Variants in IPMK observed in about 807,000 individuals in gnomAD.
The protein encoded by IPMK is inositol 1,3,4,6-tetrakisphosphate 5-kinase.
IPMK carries 17 observed loss-of-function variants against 45.8 expected under a neutral mutation model. That is an observed-to-expected ratio of 0.37 (90% CI 0.25 to 0.56). IPMK has a LOEUF of 0.56. Among genes scored for constraint, IPMK ranks in the 20% least tolerant of loss-of-function variants. The pLI is 0.79. For missense variants in IPMK, 399 were observed against 498.0 expected, an observed-to-expected ratio of 0.80 and a Z score of 1.89; for synonymous variants, 180 against 184.3, an observed-to-expected ratio of 0.98 and a Z score of 0.19.
intron 5 of IPMK, 62 bp downstream of exon 5, chr10:58,199,178 G>T (rs932084610): frequency 2.0e-6 from 2 of 1,000,868 alleles, no homozygotes; most frequent in African/African-American, 1.6e-5. Context: ...AACTAAAACT[G>T]AAATAACTTT....
intron 1 of IPMK, among the ~76,000 whole-genome samples, chr10:58,255,250 G>C (rs570429173): frequency 3.3e-5 from 5 of 152,226 alleles, no homozygotes; most frequent in Non-Finnish European, 5.9e-5. Context: ...CACTCCAGTT[G>C]GTTCAGCCCT....
At chr10:58,246,293 GA>G (rs902912375) in intron 1 of IPMK, among the ~76,000 whole-genome samples, 42 of 150,742 alleles carry the variant, frequency 2.8e-4, no homozygotes, top group African/African-American at 1.0e-3. Context: ...CACAGAATTG[GA>G]AAAAGCTACT....
At position 58,193,469 on chromosome 10, in the gene IPMK, A is replaced by T. The variant is rs1837845251; in HGVS notation, c.*2607T>A. On this transcript the variant is annotated 3_prime_UTR_variant, in exon 6 of 6. Transcript: ENST00000373935. ...GTTTCTTGAAAAACTATTTAGATAA[A>T]ATATTTAGCATTTATCATTGATTTT... The T allele has an allele frequency of 6.6e-6, 1 of 151,846 alleles. No homozygotes were observed. Among genetic ancestry groups the T allele is most frequent in the Non-Finnish European group, 1.5e-5 (1 of 67,758 alleles). 9.4% of individuals were successfully genotyped at this position (151,846 alleles called of 1,614,324 possible). A position where few individuals can be genotyped will look rare whatever the true frequency, so the allele number is the denominator to read the frequency against.
chr10:58,236,099 CT>C (rs35225105), intron 2 of IPMK, among the ~76,000 whole-genome samples: 70 of 146,346 alleles, frequency 4.8e-4, no homozygotes, highest in South Asian at 8.7e-4. Flanking sequence ...TGGGTTAATT[CT>C]TTTTTTTTTT....
chr10:58,212,684 C>T (rs1838183194), intron 4 of IPMK: 2 of 250,208 alleles, frequency 8.0e-6, no homozygotes, highest in East Asian at 2.1e-4. Flanking sequence ...GGATGTGCAG[C>T]CTCTGTCGCA....
chr10:58,213,627 C>A (rs1428976010), intron 4 of IPMK, among the ~76,000 whole-genome samples: 1 of 150,392 alleles, frequency 6.6e-6, no homozygotes, highest in South Asian at 2.1e-4. Flanking sequence ...GCGGAGCTTG[C>A]AGTGAGCAGA....
At chr10:58,264,077 G>C (rs766608115) in intron 1 of IPMK, among the ~76,000 whole-genome samples, 1 of 152,196 alleles carries the variant, frequency 6.6e-6, no homozygotes, top group South Asian at 2.1e-4. Context: ...ATGGACTATA[G>C]ATTAAAGTAT....
chr10:58,260,843 C>T (rs1839053941), intron 1 of IPMK, among the ~76,000 whole-genome samples: 1 of 152,074 alleles, frequency 6.6e-6, no homozygotes, highest in Non-Finnish European at 1.5e-5. Context: ...AATCGATTCT[C>T]ACCAAAGCTA....
chr10:58,245,968 A>T (rs1051032398), intron 1 of IPMK, among the ~76,000 whole-genome samples: 4 of 138,254 alleles, frequency 2.9e-5, no homozygotes, highest in Non-Finnish European at 6.0e-5. Context: ...CAGGATACAA[A>T]ATCAACGTAC....
chr10:58,197,566 C>G (rs913757733), intron 5 of IPMK, among the ~76,000 whole-genome samples: 3 of 150,034 alleles, frequency 2.0e-5, no homozygotes, highest in African/African-American at 7.3e-5. Context: ...AGGAGAACGG[C>G]GTGAACCCAG....
At chr10:58,240,560 A>C (rs1838681727) in intron 1 of IPMK, among the ~76,000 whole-genome samples, 1 of 152,062 alleles carries the variant, frequency 6.6e-6, no homozygotes, top group South Asian at 2.1e-4. Flanking sequence ...AGCAAGAAAA[A>C]GCTAGATAAT....
intron 4 of IPMK, among the ~76,000 whole-genome samples, chr10:58,213,698 A>T (rs1588955519): frequency 7.6e-6 from 1 of 131,788 alleles, no homozygotes; most frequent in Admixed American, 7.2e-5. Flanking sequence ...AAAAAAAAAG[A>T]AAAAAAAAAA....
intron 4 of IPMK, among the ~76,000 whole-genome samples, chr10:58,210,801 T>C: frequency 6.6e-6 from 1 of 152,188 alleles, no homozygotes; most frequent in Middle Eastern, 3.2e-3. Flanking sequence ...ATTCACAGTT[T>C]TTCACCTAAC....
chr10:58,197,665 GAAAAGAAAA>G (rs1833921044), intron 5 of IPMK, among the ~76,000 whole-genome samples: 3 of 108,622 alleles, frequency 2.8e-5, no homozygotes, highest in South Asian at 2.9e-4. Context: ...AAAAAGAAAA[GAAAAGAAAA>G]AAAAAAAAAA....
intron 4 of IPMK, among the ~76,000 whole-genome samples, chr10:58,207,934 G>A (rs915364154): frequency 1.3e-5 from 2 of 152,008 alleles, no homozygotes; most frequent in Admixed American, 1.3e-4. Flanking sequence ...ATTTCTGGGA[G>A]GCTTTGTTCA....
In IPMK at chr10:58,196,288, T is replaced by C. The variant is rs778062653; in HGVS notation, c.1039A>G (p.Lys347Glu). The C allele has an allele frequency of 6.2e-6, 10 of 1,614,206 alleles. No homozygotes were observed. The highest frequency in any genetic ancestry group is 8.5e-6 in the Non-Finnish European group (10 of 1,180,030). The change falls in exon 6 of 6, where the codon AAA becomes GAA. Residue 347 changes from lysine (K) to glutamate (E), a missense_variant. Around this residue, in one of 2 missense-constraint regions of IPMK, gnomAD observed 288 missense variants for 398.0 expected, o/e 0.72. Transcript: ENST00000373935. ...VENLEQDNGW[K>E]SMSQEHLNGN... is the part of the protein sequence containing the mutation. ...TTTAAATGTTCCTGTGACATGCTTTTCCACCCATTGTCTTGCTCCAGATTT... is the reference window on the plus strand; with the variant it reads ...TTTAAATGTTCCTGTGACATGCTTTCCCACCCATTGTCTTGCTCCAGATTT...
At chr10:58,252,534 G>A (rs1309763061) in intron 1 of IPMK, among the ~76,000 whole-genome samples, 1 of 149,994 alleles carries the variant, frequency 6.7e-6, no homozygotes, top group African/African-American at 2.5e-5. Context: ...CTGGTGTACA[G>A]ATTATTTCAT....
chr10:58,215,894 T>C (rs1367706434), intron 4 of IPMK, among the ~76,000 whole-genome samples: 2 of 152,120 alleles, frequency 1.3e-5, no homozygotes, highest in Non-Finnish European at 2.9e-5. Flanking sequence ...GTCCTGAGAT[T>C]CAGCCATCCA....
At chr10:58,225,692 C>T (rs74607220) in intron 3 of IPMK, among the ~76,000 whole-genome samples, 2,692 of 152,146 alleles carry the variant, frequency 0.018, 88 homozygotes, top group African/African-American at 0.059. Context: ...AATTTTTCAG[C>T]GTCACTTTAC....
Sources: gnomAD v4.1 joint callset for allele counts (sites outside exome capture counted in the v4.1 genomes callset) on GRCh38, gnomAD v4.1.1 for gene constraint, gnomAD v4.1.1 regional missense constraint, MANE v1.5 for transcripts, NCBI Gene and HGNC (gene_info 2026-07-23, HGNC 2026-07-21) for gene names.